Variants in BANK1 observed in about 807,000 individuals in gnomAD.
BANK1 encodes B cell scaffold protein with ankyrin repeats 1, also known as B-cell scaffold protein with ankyrin repeats.
A neutral mutation model predicts 94.5 loss-of-function variants in BANK1; 95 were observed. That is an observed-to-expected ratio of 1.00 (90% CI 0.85 to 1.19). The LOEUF (loss-of-function observed/expected upper bound fraction) is 1.19. Ranked by LOEUF, BANK1 falls within the 50% of genes most tolerant of loss-of-function variation. The probability of loss-of-function intolerance (pLI) is 0.00; values close to 1 mark genes in which losing one functional copy is unlikely to be tolerated. For synonymous variants in BANK1, 334 were observed against 308.4 expected (o/e 1.08, Z -0.87); for missense variants, 987 against 932.2 (o/e 1.06, Z -0.77).
chr4:102,057,904 C>A (rs1728283988), intron 11 of BANK1, among the ~76,000 whole-genome samples: 1 of 152,042 alleles, frequency 6.6e-6, no homozygotes, highest in African/African-American at 2.4e-5. Context: ...AATATGGCAT[C>A]ACAATAGAAT....
chr4:101,978,970 G>T (rs1240850273), intron 7 of BANK1, among the ~76,000 whole-genome samples: 1 of 151,968 alleles, frequency 6.6e-6, no homozygotes, highest in East Asian at 1.9e-4. Context: ...TGCCAAAGAG[G>T]CTGGCTGATA....
At chr4:102,053,407 A>G (rs916834033) in intron 11 of BANK1, among the ~76,000 whole-genome samples, 1 of 152,158 alleles carries the variant, frequency 6.6e-6, no homozygotes, top group African/African-American at 2.4e-5. Context: ...ATTTTCTACT[A>G]AAATAAATCA....
intron 5 of BANK1, among the ~76,000 whole-genome samples, chr4:101,878,241 TG>T (rs1211108186): frequency 6.6e-6 from 1 of 151,376 alleles, no homozygotes; most frequent in Non-Finnish European, 1.5e-5. Flanking sequence ...ACACATAGAC[TG>T]AAAATGAAAG....
chr4:101,954,641 A>T (rs962795797), intron 7 of BANK1, among the ~76,000 whole-genome samples: 1 of 152,172 alleles, frequency 6.6e-6, no homozygotes, highest in Admixed American at 6.6e-5. Context: ...AGGGAAAAAT[A>T]TATACCCAGG....
chr4:101,942,465 T>C lies in BANK1; in HGVS notation c.1206+24276T>C, dbSNP rs118159292. ...TAAGAGTTGAACTAGAAAGTTAGAA[T>C]TGAGAAAATAACATGAATAAGTGCA... On this transcript the variant is annotated intron_variant, in intron 7 of 16. Transcript: ENST00000322953. 2.9e-3 allele frequency among the ~76,000 whole-genome samples: 437 copies of C among 151,988 alleles called. 13 individuals are homozygous for C. The East Asian group carries it at 0.066, about 23-fold the overall frequency.
In BANK1 at chr4:102,067,868, G is replaced by A. The variant is rs186873584; in HGVS notation, c.2213-3407G>A. Among the ~76,000 whole-genome samples, 421 of 152,042 alleles carry A rather than the reference G, an allele frequency of 2.8e-3. 4 individuals carry two copies. Among genetic ancestry groups the A allele is most frequent in the African/African-American group, 9.7e-3 (402 of 41,540 alleles). On this transcript the variant is annotated intron_variant, in intron 13 of 16. Coordinates refer to ENST00000322953, the MANE Select transcript of BANK1 (RefSeq NM_017935.5). ...CATATTTATTAAAGGTATACATGGA[G>A]GTTCACCAAGATGAAACATAGGCTA...
intron 2 of BANK1, among the ~76,000 whole-genome samples, chr4:101,847,051 A>C (rs1727276079): frequency 6.6e-6 from 1 of 152,046 alleles, no homozygotes; most frequent in African/African-American, 2.4e-5. Flanking sequence ...GCCTCCCCTC[A>C]TTAGATTGCA....
At chr4:101,922,901 T>C (rs1333312608) in intron 7 of BANK1, among the ~76,000 whole-genome samples, 1 of 151,866 alleles carries the variant, frequency 6.6e-6, no homozygotes, top group African/African-American at 2.4e-5. Flanking sequence ...CTTCTCCAAG[T>C]CCTCAGACCC....
chr4:102,022,113 T>C (rs1165218859), intron 8 of BANK1, among the ~76,000 whole-genome samples: 1 of 151,930 alleles, frequency 6.6e-6, no homozygotes, highest in Non-Finnish European at 1.5e-5. Flanking sequence ...TATAAACGTG[T>C]ATATATACGC....
intron 10 of BANK1, among the ~76,000 whole-genome samples, chr4:102,036,498 A>G (rs1727518380): frequency 6.6e-6 from 1 of 152,214 alleles, no homozygotes. Context: ...CTCCCTGGAT[A>G]GGTGACCTTG....
At chr4:102,053,108 T>C (rs940054314) in intron 11 of BANK1, among the ~76,000 whole-genome samples, 3 of 152,194 alleles carry the variant, frequency 2.0e-5, no homozygotes, top group Non-Finnish European at 4.4e-5. Context: ...GGGTTTGTTC[T>C]CAGTACATGG....
At chr4:102,037,868 A>G (rs1480945807) in intron 10 of BANK1, among the ~76,000 whole-genome samples, 2 of 151,702 alleles carry the variant, frequency 1.3e-5, no homozygotes, top group Non-Finnish European at 3.0e-5. Context: ...CAGAGGTGAA[A>G]GTAGACCTGG....
At chr4:101,985,670 T>C (rs1725461317) in intron 7 of BANK1, among the ~76,000 whole-genome samples, 2 of 152,142 alleles carry the variant, frequency 1.3e-5, no homozygotes, top group African/African-American at 4.8e-5. Context: ...TGTAAAAATA[T>C]TGCATGTTCA....
At chr4:102,029,711 C>A (rs909388427) in intron 9 of BANK1, among the ~76,000 whole-genome samples, 1 of 151,622 alleles carries the variant, frequency 6.6e-6, no homozygotes, top group African/African-American at 2.4e-5. Context: ...TTTTACTACA[C>A]GTATTTGTCT....
At chr4:101,936,289 A>G (rs976851157) in intron 7 of BANK1, among the ~76,000 whole-genome samples, 5 of 150,398 alleles carry the variant, frequency 3.3e-5, no homozygotes, top group African/African-American at 7.3e-5. Flanking sequence ...ATGTACACAT[A>G]TATGCACACA....
intron 11 of BANK1, among the ~76,000 whole-genome samples, chr4:102,051,937 C>T (rs893848197): frequency 6.6e-6 from 1 of 152,064 alleles, no homozygotes; most frequent in African/African-American, 2.4e-5. Context: ...CCGCCTCTAT[C>T]GTGGCAGCTG....
intron 5 of BANK1, among the ~76,000 whole-genome samples, chr4:101,876,903 A>G (rs770075055): frequency 3.9e-5 from 6 of 152,312 alleles, no homozygotes; most frequent in South Asian, 2.1e-4. Flanking sequence ...TGAAGTTGGC[A>G]TAATGAAGAA....
At chr4:101,947,288 T>TAC (rs1723963116) in intron 7 of BANK1, among the ~76,000 whole-genome samples, 1 of 19,834 alleles carries the variant, frequency 5.0e-5, no homozygotes, top group Non-Finnish European at 9.8e-5. Flanking sequence ...GTTGTAAATA[T>TAC]ATATATATAT....
At chr4:102,052,105 CT>C (rs1283449636) in intron 11 of BANK1, among the ~76,000 whole-genome samples, 7 of 131,344 alleles carry the variant, frequency 5.3e-5, no homozygotes, top group Non-Finnish European at 8.1e-5. Flanking sequence ...TAGATGTGTT[CT>C]TTTTTTCTTT....
Sources: allele counts gnomAD v4.1 joint callset (sites outside exome capture counted in the v4.1 genomes callset), GRCh38; gene constraint gnomAD v4.1.1; transcripts MANE v1.5; gene names NCBI Gene and HGNC (gene_info 2026-07-23, HGNC 2026-07-21).